The following SMG1 variants were observed in gnomAD, a reference collection of about 807,000 sequenced individuals.
SMG1 encodes serine/threonine-protein kinase SMG1.
In SMG1, 22 loss-of-function variants were observed where a neutral mutation model predicts 419.9. That is an observed-to-expected ratio of 0.05 (90% CI 0.04 to 0.07). The LOEUF is 0.07. SMG1 is among the 10% of genes least tolerant of loss of function. SMG1 has a pLI of 1.00. For missense variants in SMG1, 3,185 were observed against 4,342.0 expected, an observed-to-expected ratio of 0.73 and a Z score of 7.49; for synonymous variants, 1,538 against 1,553.5, an observed-to-expected ratio of 0.99 and a Z score of 0.23.
rs1186287063 is a variant in SMG1, at chr16:18,805,545, T to C, written c.*4024A>G. On this transcript the variant is annotated 3_prime_UTR_variant, in exon 63 of 63. Coordinates refer to ENST00000446231, the MANE Select transcript of SMG1 (RefSeq NM_015092.5). ...CTGTAAATAAGGATGGTGATACTGT[T>C]ATCCAGGCCTAAAAAGCAGGAAGTG... 3 of 152,214 alleles carry C rather than the reference T, an allele frequency of 2.0e-5. No individual in the cohort carries two copies. The highest frequency in any genetic ancestry group is 2.1e-4 in the South Asian group (1 of 4,838). 9.4% of individuals were successfully genotyped at this position (152,214 alleles called of 1,614,324 possible).
At chr16:18,919,657 TACACACACACACACACACACAC>T (rs368125844) in intron 1 of SMG1, among the ~76,000 whole-genome samples, 32 of 125,818 alleles carry the variant, frequency 2.5e-4, no homozygotes, top group Middle Eastern at 4.5e-3. Flanking sequence ...TGTGTATATA[TACACACACACACACACACACAC>T]ACACACACAC....
intron 39 of SMG1, among the ~76,000 whole-genome samples, chr16:18,844,032 C>T (rs1329968064): frequency 6.6e-6 from 1 of 151,746 alleles, no homozygotes; most frequent in South Asian, 2.1e-4. Flanking sequence ...CACACGTGCG[C>T]ACACAAACAG....
chr16:18,901,408 C>A (rs957835523), intron 1 of SMG1, among the ~76,000 whole-genome samples: 2 of 152,168 alleles, frequency 1.3e-5, no homozygotes, highest in African/African-American at 4.8e-5. Flanking sequence ...AGACAGGTGT[C>A]TGATTATGTT....
intron 1 of SMG1, among the ~76,000 whole-genome samples, chr16:18,917,945 G>A (rs2038040748): frequency 6.6e-6 from 1 of 151,678 alleles, no homozygotes; most frequent in South Asian, 2.1e-4. Flanking sequence ...CAGCTAATAT[G>A]ATTCCCTAAA....
rs2032133706 is a variant in SMG1, at chr16:18,817,615, C to A, written c.9895-145G>T. ...TCCTGAAAATGTTTGGGAAATAGAC[C>A]AAAACCTTATAAAGGCTGTAAATAA... is the stretch of plus-strand genomic sequence containing the variant. On this transcript the variant is annotated intron_variant, in intron 56 of 62. Transcript: ENST00000446231. 3 of 658,300 alleles carry A rather than the reference C, an allele frequency of 4.6e-6. No homozygotes were observed. In the East Asian group the frequency reaches 8.3e-5, roughly 18 times the overall value. 40.8% of individuals were successfully genotyped at this position (658,300 alleles called of 1,614,324 possible). A position where few individuals can be genotyped will look rare whatever the true frequency, so the allele number is the denominator to read the frequency against.
chr16:18,828,045 T>A lies in SMG1; in HGVS notation c.9727A>T (p.Ile3243Phe). The A allele has an allele frequency of 6.2e-7, 1 of 1,612,416 alleles. No individual in the cohort carries two copies. Among genetic ancestry groups the A allele is most frequent in the Non-Finnish European group, 8.5e-7 (1 of 1,179,094 alleles). The change falls in exon 55 of 63, where the codon ATT becomes TTT. Residue 3243 changes from isoleucine (I) to phenylalanine (F), a missense_variant. Physicochemically the swap from Ile to Phe is conservative, Grantham distance 21. Around this residue, in one of 27 missense-constraint regions of SMG1, gnomAD observed 737 missense variants for 846.6 expected, o/e 0.87. Coordinates refer to ENST00000446231, the MANE Select transcript of SMG1 (RefSeq NM_015092.5). The stretch of plus-strand genomic sequence containing the variant: ...GCAAAACACACCTGAACTGTTGCAA[T>A]AGAAGTTTCAATCTGGCTCAGGGTA... ...LHTLSQIETS[I>F]ATVQEKLAAL...
At chr16:18,847,091 T>G (rs1406308662) in intron 38 of SMG1, among the ~76,000 whole-genome samples, 2 of 152,098 alleles carry the variant, frequency 1.3e-5, no homozygotes, top group African/African-American at 4.8e-5. Context: ...TAATAAACCT[T>G]CGGGCCATTA....
At chr16:18,831,861 G>C (rs2033208596) in intron 51 of SMG1, among the ~76,000 whole-genome samples, 1 of 148,316 alleles carries the variant, frequency 6.7e-6, no homozygotes, top group African/African-American at 2.5e-5. Context: ...CCACTCCAAA[G>C]AAACATGAGA....
chr16:18,892,107 C>A (rs1437756177), intron 4 of SMG1, 111 bp downstream of exon 4: 28 of 818,384 alleles, frequency 3.4e-5, no homozygotes, highest in Non-Finnish European at 5.5e-5. Flanking sequence ...GCATTAAGTT[C>A]TCGATCATCA....
intron 36 of SMG1, among the ~76,000 whole-genome samples, chr16:18,848,384 C>G (rs1801481175): frequency 1.3e-5 from 2 of 150,080 alleles, no homozygotes; most frequent in African/African-American, 4.9e-5. Flanking sequence ...GTGGCACAAT[C>G]TCGGCTCACT....
At position 18,815,457 on chromosome 16, in the gene SMG1, C is replaced by G; in HGVS notation, c.10497G>C (p.Leu3499=). 1 of 1,613,972 alleles carries G rather than the reference C, an allele frequency of 6.2e-7. No individual in the cohort carries two copies. The highest frequency in any genetic ancestry group is 8.5e-7 in the Non-Finnish European group (1 of 1,179,874). The change falls in exon 59 of 63, where the codon CTG becomes CTC. Residue 3499 remains leucine (L), a synonymous_variant. Coordinates refer to ENST00000446231, the MANE Select transcript of SMG1 (RefSeq NM_015092.5). ...ATTCTTACCTCTGACTTTGTGTTTT[C>G]AGTTCTTTCAAGGTGGGAGTGATTT... ...LQEITPTLKE[L]KTQSQSIYNN...
chr16:18,820,963 T>C (rs535223044), intron 55 of SMG1, among the ~76,000 whole-genome samples: 195 of 152,230 alleles, frequency 1.3e-3, no homozygotes, highest in Non-Finnish European at 1.7e-3. Context: ...ATTATGTACA[T>C]AGCTTTCAAT....
intron 39 of SMG1, among the ~76,000 whole-genome samples, chr16:18,843,857 G>A (rs907355107): frequency 4.6e-5 from 7 of 152,116 alleles, no homozygotes; most frequent in Non-Finnish European, 8.8e-5. Context: ...ATAAAATTAG[G>A]GAGAGAAGTG....
At chr16:18,857,196 G>C (rs2034961612) in intron 29 of SMG1, 1 of 152,170 alleles carries the variant, frequency 6.6e-6, no homozygotes, top group South Asian at 2.1e-4. Flanking sequence ...AGCTTACATT[G>C]ACATTTAACA....
intron 54 of SMG1, 148 bp from the exon 55 acceptor site, chr16:18,828,316 A>C (rs2032906000): frequency 1.4e-6 from 1 of 695,786 alleles, no homozygotes; most frequent in South Asian, 2.1e-5. Flanking sequence ...GTAACAGAAA[A>C]GACACACTGA....
At chr16:18,869,756 G>C (rs2035711521) in intron 19 of SMG1, 98 bp downstream of exon 19, 3 of 967,396 alleles carry the variant, frequency 3.1e-6, no homozygotes, top group Non-Finnish European at 3.2e-6. Flanking sequence ...TTGATACTCT[G>C]CCACCCCCAA....
intron 6 of SMG1, 85 bp from the exon 7 acceptor site, chr16:18,885,751 A>T: frequency 7.8e-7 from 1 of 1,282,866 alleles, no homozygotes; most frequent in Admixed American, 1.8e-5. Flanking sequence ...TACTGACTAC[A>T]TAAAAAACTG....
intron 1 of SMG1, among the ~76,000 whole-genome samples, chr16:18,898,534 A>T (rs1457181029): frequency 6.6e-6 from 1 of 152,184 alleles, no homozygotes; most frequent in African/African-American, 2.4e-5. Flanking sequence ...TAAAAATAGC[A>T]CATTTAACAT....
chr16:18,900,960 T>C (rs2037321723), intron 1 of SMG1, among the ~76,000 whole-genome samples: 1 of 152,192 alleles, frequency 6.6e-6, no homozygotes, highest in Non-Finnish European at 1.5e-5. Flanking sequence ...CTTGTATCAT[T>C]ACATTAAAAA....
Sources: gnomAD v4.1 joint callset for allele counts (sites outside exome capture counted in the v4.1 genomes callset) on GRCh38, gnomAD v4.1.1 for gene constraint, gnomAD v4.1.1 regional missense constraint, MANE v1.5 for transcripts, NCBI Gene and HGNC (gene_info 2026-07-23, HGNC 2026-07-21) for gene names.